PCDH9: variants seen among roughly 807,000 people sequenced by gnomAD.
The protein encoded by PCDH9 is protocadherin 9.
PCDH9 carries 24 observed loss-of-function variants against 70.6 expected under a neutral mutation model. The ratio of observed to expected loss-of-function variants is 0.34; its 90% CI spans 0.25 to 0.48. The LOEUF is 0.48. PCDH9 is among the 20% of genes least tolerant of loss of function. The probability of loss-of-function intolerance (pLI) is 0.99; values close to 1 mark genes in which losing one functional copy is unlikely to be tolerated. For synonymous variants in PCDH9, 562 were observed against 558.5 expected, an observed-to-expected ratio of 1.01 and a Z score of -0.09; for missense variants, 1,281 against 1,503.6, an observed-to-expected ratio of 0.85 and a Z score of 2.45.
intron 4 of PCDH9, among the ~76,000 whole-genome samples, chr13:66,406,466 C>T (rs747148654): frequency 2.6e-5 from 4 of 151,558 alleles, no homozygotes; most frequent in Non-Finnish European, 4.4e-5. Context: ...TTTACTGTAA[C>T]GCTTCCCATT....
At chr13:66,425,152 G>C (rs979203067) in intron 4 of PCDH9, among the ~76,000 whole-genome samples, 1 of 151,722 alleles carries the variant, frequency 6.6e-6, no homozygotes, top group Non-Finnish European at 1.5e-5. Context: ...GAAGAGTATT[G>C]CACTATATAT....
At chr13:67,089,278 T>C (rs1255630764) in intron 2 of PCDH9, among the ~76,000 whole-genome samples, 1 of 152,050 alleles carries the variant, frequency 6.6e-6, no homozygotes, top group Non-Finnish European at 1.5e-5. Flanking sequence ...TCCATTTATA[T>C]GGGATTGTAT....
intron 4 of PCDH9, among the ~76,000 whole-genome samples, chr13:66,579,807 G>T (rs902791474): frequency 1.3e-5 from 2 of 151,992 alleles, no homozygotes; most frequent in African/African-American, 4.8e-5. Context: ...CATGATAAAG[G>T]TAGAATTCAT....
intron 3 of PCDH9, among the ~76,000 whole-genome samples, chr13:66,851,573 C>CCACACACACA (rs1394604374): frequency 8.4e-4 from 92 of 109,052 alleles, no homozygotes; most frequent in African/African-American, 3.1e-3. Context: ...CCCGCATCAC[C>CCACACACACA]CTCACACACA....
intron 2 of PCDH9, among the ~76,000 whole-genome samples, chr13:66,908,907 T>C (rs2082410126): frequency 6.6e-6 from 1 of 152,204 alleles, no homozygotes; most frequent in South Asian, 2.1e-4. Flanking sequence ...AACCAAATGT[T>C]ATATAAATGC....
chr13:66,500,989 A>G (rs868697487), intron 4 of PCDH9, among the ~76,000 whole-genome samples: 4 of 152,232 alleles, frequency 2.6e-5, no homozygotes, highest in Middle Eastern at 6.8e-3. Context: ...AATGATTCAC[A>G]CATCCAAGAA....
chr13:66,576,243 A>G (rs1260836355), intron 4 of PCDH9, among the ~76,000 whole-genome samples: 1 of 152,076 alleles, frequency 6.6e-6, no homozygotes, highest in Non-Finnish European at 1.5e-5. Flanking sequence ...ATATATATAT[A>G]TTCCAAAAAT....
At chr13:66,844,190 A>G (rs1185780632) in intron 3 of PCDH9, among the ~76,000 whole-genome samples, 1 of 152,142 alleles carries the variant, frequency 6.6e-6, no homozygotes, top group Non-Finnish European at 1.5e-5. Context: ...AATTCTTCAT[A>G]TTCAACACCA....
intron 2 of PCDH9, among the ~76,000 whole-genome samples, chr13:66,929,295 A>AT (rs995482291): frequency 6.7e-6 from 1 of 148,410 alleles, no homozygotes; most frequent in African/African-American, 2.6e-5. Context: ...TTGTGACATT[A>AT]TTTTTTTATT....
chr13:66,927,632 A>T lies in PCDH9; in HGVS notation c.3037-24027T>A, dbSNP rs372379978. Among the ~76,000 whole-genome samples the T allele has an allele frequency of 2.3e-4, 35 of 152,160 alleles. No homozygotes were observed. In the East Asian group the frequency reaches 4.1e-3, roughly 18 times the overall value. On this transcript the variant is annotated intron_variant, in intron 2 of 4. Coordinates refer to ENST00000377865, the MANE Select transcript of PCDH9 (RefSeq NM_203487.3). ...GAGAATGAGGTATAGACAGGGTTAG[A>T]TTCTTCTGAGTCCTCTTTCTCCTTG...
At chr13:67,169,579 G>A (rs3013588) in intron 2 of PCDH9, among the ~76,000 whole-genome samples, 143,488 of 152,200 alleles carry the variant, frequency 0.94, 67,851 homozygotes, top group Non-Finnish European at 0.98. Flanking sequence ...TAAACTAAAG[G>A]GATTTTTTTG....
At chr13:66,616,481 A>ATTAT (rs1186865702) in intron 4 of PCDH9, among the ~76,000 whole-genome samples, 2 of 22,284 alleles carry the variant, frequency 9.0e-5, no homozygotes, top group East Asian at 1.9e-3. Context: ...AAATTCTAAA[A>ATTAT]TTCTTTTTTT....
At chr13:66,663,264 C>T (rs1033903899) in intron 3 of PCDH9, among the ~76,000 whole-genome samples, 1 of 152,000 alleles carries the variant, frequency 6.6e-6, no homozygotes, top group African/African-American at 2.4e-5. Flanking sequence ...GTATATTTAT[C>T]CAAAGTAAAA....
chr13:66,835,055 G>A (rs2080992540), intron 3 of PCDH9, among the ~76,000 whole-genome samples: 1 of 152,200 alleles, frequency 6.6e-6, no homozygotes, highest in Non-Finnish European at 1.5e-5. Flanking sequence ...TACTGGGCTT[G>A]GTTCTGTGGA....
intron 3 of PCDH9, among the ~76,000 whole-genome samples, chr13:66,772,401 T>C (rs1194761804): frequency 1.3e-5 from 2 of 152,226 alleles, no homozygotes; most frequent in Non-Finnish European, 2.9e-5. Context: ...AATTTCTAGC[T>C]CATTTTTTCC....
intron 4 of PCDH9, among the ~76,000 whole-genome samples, chr13:66,343,122 A>C (rs1462514113): frequency 1.3e-5 from 2 of 152,196 alleles, no homozygotes. Context: ...TCCATCAATA[A>C]AAATAATAGT....
At chr13:66,491,385 TTGTG>T (rs71106974) in intron 4 of PCDH9, among the ~76,000 whole-genome samples, 168 of 136,130 alleles carry the variant, frequency 1.2e-3, no homozygotes, top group African/African-American at 4.1e-3. Context: ...GCAGGAGATA[TTGTG>T]TGTGTGTGTG....
intron 4 of PCDH9, among the ~76,000 whole-genome samples, chr13:66,563,895 A>G (rs2076613043): frequency 6.6e-6 from 1 of 152,112 alleles, no homozygotes; most frequent in Non-Finnish European, 1.5e-5. Context: ...CACTTTTTGT[A>G]ACTGAAATAT....
chr13:67,209,781 C>CATTAATGTGGTATTTCATCTA (rs1435433746), intron 2 of PCDH9: 3 of 151,864 alleles, frequency 2.0e-5, no homozygotes, highest in Non-Finnish European at 2.9e-5. Context: ...TTTTTTTTAA[C>CATTAATGTGGTATTTCATCTA]ATTAATGTGG....
Sources: allele counts gnomAD v4.1 joint callset (sites outside exome capture counted in the v4.1 genomes callset), GRCh38; gene constraint gnomAD v4.1.1; transcripts MANE v1.5; gene names NCBI Gene and HGNC (gene_info 2026-07-23, HGNC 2026-07-21).